The following PRDM16 variants were observed in gnomAD, a reference collection of about 807,000 sequenced individuals.
PRDM16 encodes histone-lysine N-methyltransferase PRDM16.
In PRDM16, 23 loss-of-function variants were observed where a neutral mutation model predicts 110.6. The ratio of observed to expected loss-of-function variants is 0.21; its 90% CI spans 0.15 to 0.29. The LOEUF (loss-of-function observed/expected upper bound fraction) is 0.29, where lower values mean the gene tolerates loss of function less well. Ranked by LOEUF, PRDM16 falls within the 10% of genes least tolerant of loss-of-function variation. The probability of loss-of-function intolerance (pLI) is 1.00; values close to 1 mark genes in which losing one functional copy is unlikely to be tolerated. For missense variants in PRDM16, 1,615 were observed against 1,794.3 expected (o/e 0.90, Z 1.81); for synonymous variants, 799 against 781.8 (o/e 1.02, Z -0.37).
At chr1:3,343,288 C>T (rs561440633) in intron 3 of PRDM16, among the ~76,000 whole-genome samples, 7 of 145,728 alleles carry the variant, frequency 4.8e-5, no homozygotes, top group Admixed American at 3.5e-4. Context: ...GTGAAGTGTT[C>T]GTTCAAGCCT....
At chr1:3,286,889 G>A (rs1640857091) in intron 3 of PRDM16, among the ~76,000 whole-genome samples, 1 of 151,344 alleles carries the variant, frequency 6.6e-6, no homozygotes, top group Non-Finnish European at 1.5e-5. Context: ...GGGACTCAAA[G>A]CTGGGTCTGC....
intron 1 of PRDM16, among the ~76,000 whole-genome samples, chr1:3,170,852 G>A (rs187161433): frequency 3.7e-4 from 57 of 152,316 alleles, no homozygotes; most frequent in African/African-American, 1.3e-3. Flanking sequence ...CAGGGCTGTC[G>A]GGAGCCCATG....
chr1:3,179,891 C>T (rs1322884101), intron 1 of PRDM16, among the ~76,000 whole-genome samples: 3 of 152,080 alleles, frequency 2.0e-5, no homozygotes, highest in Non-Finnish European at 4.4e-5. Flanking sequence ...TTTCCCGGGT[C>T]CCTGTTCCTA....
rs185525718 is a variant in PRDM16 at position 3,169,475 on chromosome 1, C to T, written c.38-16650C>T. Among the ~76,000 whole-genome samples, 3 of 152,270 alleles carry T rather than the reference C, an allele frequency of 2.0e-5. No individual in the cohort carries two copies. The East Asian group carries it at 5.8e-4, about 29-fold the overall frequency. ...GGCTTGTTGGCCTGGGGTTTGAGCC[C>T]CACCCCTCTCCCGTGCACAGCCTGG... On this transcript the variant is annotated intron_variant, in intron 1 of 16. Transcript: ENST00000270722.
At chr1:3,204,072 G>A (rs1031273927) in intron 2 of PRDM16, among the ~76,000 whole-genome samples, 3 of 152,226 alleles carry the variant, frequency 2.0e-5, no homozygotes, top group African/African-American at 7.2e-5. Context: ...TTAGAACTCA[G>A]GGCCAGTGAC....
chr1:3,099,277 C>A (rs543809598), intron 1 of PRDM16, among the ~76,000 whole-genome samples: 1 of 152,244 alleles, frequency 6.6e-6, no homozygotes, highest in Non-Finnish European at 1.5e-5. Flanking sequence ...TGAGGGACCC[C>A]GAATGAGTCC....
chr1:3,172,316 T>A (rs574876691), intron 1 of PRDM16, among the ~76,000 whole-genome samples: 1 of 152,242 alleles, frequency 6.6e-6, no homozygotes, highest in Non-Finnish European at 1.5e-5. Context: ...TGTCCTTGCC[T>A]ATAGGAATGA....
intron 4 of PRDM16, 29 bp from the exon 5 acceptor site, chr1:3,396,462 A>T: frequency 7.8e-7 from 1 of 1,277,066 alleles, no homozygotes; most frequent in Non-Finnish European, 1.1e-6. Context: ...AACCACACTC[A>T]CCCTTTCTCT....
intron 3 of PRDM16, chr1:3,307,764 C>T (rs1641347436): frequency 6.6e-6 from 1 of 152,204 alleles, no homozygotes; most frequent in Non-Finnish European, 1.5e-5. Context: ...CCTGTTTCTG[C>T]AGGGATCCTG....
intron 2 of PRDM16, among the ~76,000 whole-genome samples, chr1:3,192,729 T>C (rs1365474158): frequency 6.6e-6 from 1 of 152,116 alleles, no homozygotes; most frequent in Non-Finnish European, 1.5e-5. Flanking sequence ...TCGAGGCTCC[T>C]GGGACTCTGC....
rs1351261983 is a variant in PRDM16 at position 3,425,599 on chromosome 1, C to G, written c.2958C>G (p.Arg986=). 6.2e-7 allele frequency: 1 copy of G among 1,613,908 alleles called. No individual in the cohort carries two copies. Among genetic ancestry groups the G allele is most frequent in the Non-Finnish European group, 8.5e-7 (1 of 1,179,950 alleles). ...CTTCCAGGTGTAAGTACTGCGACCG[C>G]TCCTTCAGCATCTCTTCGAACCTCC... ...EQPYRCKYCD[R]SFSISSNLQR... The change falls in exon 13 of 17, where the codon CGC becomes CGG. Residue 986 remains arginine (R), a synonymous_variant. Coordinates refer to ENST00000270722, the MANE Select transcript of PRDM16 (RefSeq NM_022114.4). This position sits in a 1 kb window ranked among gnomAD's most constrained non-coding sequence, Gnocchi z 6.9.
chr1:3,237,901 G>A (rs894382407), intron 2 of PRDM16: 3 of 152,266 alleles, frequency 2.0e-5, no homozygotes, highest in African/African-American at 7.2e-5. Context: ...GAAGTCTGCT[G>A]GCTCTAGCAG....
chr1:3,248,656 A>G (rs1444517810), intron 3 of PRDM16, among the ~76,000 whole-genome samples: 12 of 152,140 alleles, frequency 7.9e-5, no homozygotes, highest in Non-Finnish European at 1.2e-4. Flanking sequence ...GGGTCCATAA[A>G]TCTCTCCCGG....
At chr1:3,410,589 G>T (rs1209019876) in intron 8 of PRDM16, among the ~76,000 whole-genome samples, 3 of 152,210 alleles carry the variant, frequency 2.0e-5, no homozygotes, top group African/African-American at 7.2e-5. Context: ...GGAACTGTCT[G>T]TGTCAACCCA....
Position 3,436,204 on chromosome 1 carries a change from T to A in PRDM16, c.*2393T>A, listed in dbSNP as rs1638905463. The A allele has an allele frequency of 4.4e-6, 1 of 229,124 alleles. No homozygotes were observed. The highest frequency in any genetic ancestry group is 8.7e-6 in the Non-Finnish European group (1 of 115,474). 14.2% of individuals were successfully genotyped at this position (229,124 alleles called of 1,614,324 possible). A position where few individuals can be genotyped will look rare whatever the true frequency, so the allele number is the denominator to read the frequency against. On this transcript the variant is annotated 3_prime_UTR_variant, in exon 17 of 17. Coordinates refer to ENST00000270722, the MANE Select transcript of PRDM16 (RefSeq NM_022114.4). ...GCGAAAGAGTAAGGTGTGTGCTTTT[T>A]TTTTTTTGCAATATGACCCCGTCTC...
At chr1:3,170,809 A>T (rs10909887) in intron 1 of PRDM16, among the ~76,000 whole-genome samples, 62,851 of 152,162 alleles carry the variant, frequency 0.41, 14,399 homozygotes, top group Non-Finnish European at 0.53. Flanking sequence ...TCCCCACCCC[A>T]TGATGCAAAC....
intron 1 of PRDM16, among the ~76,000 whole-genome samples, chr1:3,102,422 G>T (rs928124680): frequency 6.6e-6 from 1 of 152,330 alleles, no homozygotes; most frequent in South Asian, 2.1e-4. Flanking sequence ...CATGGGCTGG[G>T]GCCCACTGGT....
intron 3 of PRDM16, among the ~76,000 whole-genome samples, chr1:3,365,342 G>C (rs1389828231): frequency 6.6e-6 from 1 of 152,218 alleles, no homozygotes; most frequent in East Asian, 1.9e-4. Flanking sequence ...CCCTGGGCTG[G>C]GGGCTGTCCC....
At chr1:3,155,718 G>A (rs952084079) in intron 1 of PRDM16, among the ~76,000 whole-genome samples, 1 of 152,210 alleles carries the variant, frequency 6.6e-6, no homozygotes. Flanking sequence ...GGGAGCAAAT[G>A]TTTCACCTTT....
Sources: allele counts gnomAD v4.1 joint callset (sites outside exome capture counted in the v4.1 genomes callset), GRCh38; gene constraint gnomAD v4.1.1; non-coding constraint Gnocchi (gnomAD v3.1); transcripts MANE v1.5; gene names NCBI Gene and HGNC (gene_info 2026-07-23, HGNC 2026-07-21).